ARPC5L: variants seen among roughly 807,000 people sequenced by gnomAD.
ARPC5L encodes actin-related protein 2/3 complex subunit 5-like protein.
ARPC5L carries 4 observed loss-of-function variants against 16.9 expected under a neutral mutation model. The observed-to-expected ratio is 0.24, with a 90% CI of 0.12 to 0.54. The LOEUF is 0.54. Among genes scored for constraint, ARPC5L ranks in the 20% least tolerant of loss-of-function variants. The pLI, the probability that ARPC5L is intolerant of heterozygous loss-of-function variation, is 0.95. For missense variants in ARPC5L, 151 were observed against 201.9 expected (o/e 0.75, Z 1.53); for synonymous variants, 78 against 82.6 (o/e 0.94, Z 0.30).
chr9:124,869,287 C>G lies in ARPC5L; in HGVS notation c.-4C>G. On this transcript the variant is annotated 5_prime_UTR_variant, in exon 3 of 6. Transcript: ENST00000353214. ...GCCGGCTGAGCGGGCGCCGAGCTCC[C>G]GCCATGGCCCGGAACACGCTGTCCT... The G allele has an allele frequency of 2.6e-6, 4 of 1,518,608 alleles. No individual in the cohort carries two copies. The highest frequency in any genetic ancestry group is 3.5e-6 in the Non-Finnish European group (4 of 1,133,850). The allele number at this position is 1,518,608 out of a possible 1,614,324, so 94.1% of individuals were successfully genotyped here.
At chr9:124,871,146 G>C (rs989381854) in intron 3 of ARPC5L, among the ~76,000 whole-genome samples, 7 of 152,140 alleles carry the variant, frequency 4.6e-5, no homozygotes, top group African/African-American at 1.7e-4. Flanking sequence ...AGCAGGGAGA[G>C]GGATAGATGG....
At chr9:124,872,820 G>A (rs1829378942) in intron 3 of ARPC5L, 1 of 152,260 alleles carries the variant, frequency 6.6e-6, no homozygotes. Context: ...CTCATACTGG[G>A]GAAGCCAGGA....
At chr9:124,865,686 G>C (rs770769635) in intron 2 of ARPC5L, among the ~76,000 whole-genome samples, 18 of 151,732 alleles carry the variant, frequency 1.2e-4, no homozygotes, top group Admixed American at 1.1e-3. Flanking sequence ...ACAGCTATTC[G>C]GGAGGCTGAG....
rs528433501 is a variant in ARPC5L at position 124,866,849 on chromosome 9, C to T, written c.-863-1579C>T. 3.7e-4 allele frequency among the ~76,000 whole-genome samples: 57 copies of T among 152,300 alleles called. 1 individual carries two copies. The East Asian group carries it at 0.01, about 27-fold the overall frequency. ...TAAATCACCTCTCTACTTTGGTTCT[C>T]GATCCCAGATGTGTTCTCAATACAG... On this transcript the variant is annotated intron_variant, in intron 2 of 5. Coordinates refer to ENST00000353214, the MANE Select transcript of ARPC5L (RefSeq NM_030978.3).
At chr9:124,871,291 G>T (rs1472092723) in intron 3 of ARPC5L, among the ~76,000 whole-genome samples, 1 of 152,178 alleles carries the variant, frequency 6.6e-6, no homozygotes, top group Non-Finnish European at 1.5e-5. Context: ...CCATGCTCTG[G>T]CTCTGTGACC....
At chr9:124,871,889 T>G (rs1044881524) in intron 3 of ARPC5L, among the ~76,000 whole-genome samples, 12 of 152,136 alleles carry the variant, frequency 7.9e-5, no homozygotes, top group African/African-American at 2.9e-4. Flanking sequence ...GGGTCCACAG[T>G]GTCAGTTGTG....
Position 124,869,162 on chromosome 9 carries a change from G to A in ARPC5L, c.-129G>A. On this transcript the variant is annotated 5_prime_UTR_variant, in exon 3 of 6. Coordinates refer to ENST00000353214, the MANE Select transcript of ARPC5L (RefSeq NM_030978.3). ...GCGGGCGGCGGCGGCTGCGCGCGGA[G>A]GCGGTGGAGGAGGTGCTGGGAGCAG... 1 of 1,064,704 alleles carries A rather than the reference G, an allele frequency of 9.4e-7. No individual in the cohort carries two copies. Among genetic ancestry groups the A allele is most frequent in the Non-Finnish European group, 1.2e-6 (1 of 824,038 alleles). The allele number at this position is 1,064,704 out of a possible 1,614,324, so 66.0% of individuals were successfully genotyped here.
At chr9:124,864,763 C>T (rs1829247499) in intron 2 of ARPC5L, among the ~76,000 whole-genome samples, 1 of 151,942 alleles carries the variant, frequency 6.6e-6, no homozygotes, top group African/African-American at 2.4e-5. Context: ...CTCAGCCTCC[C>T]AAAGTGCTGC....
rs369596144 is a variant in ARPC5L, at chr9:124,869,267, C to G, written c.-24C>G. The G allele has an allele frequency of 1.1e-4, 159 of 1,507,874 alleles. No individual in the cohort carries two copies. In the African/African-American group the frequency reaches 1.9e-3, roughly 18 times the overall value. 93.4% of individuals were successfully genotyped at this position (1,507,874 alleles called of 1,614,324 possible). On this transcript the variant is annotated 5_prime_UTR_variant, in exon 3 of 6. Transcript: ENST00000353214. ...GAGGTCGGGCCGCGAGCGGAGCCGG[C>G]TGAGCGGGCGCCGAGCTCCCGCCAT...
chr9:124,862,963 TCA>T (rs1197410645), intron 1 of ARPC5L, among the ~76,000 whole-genome samples: 1 of 151,422 alleles, frequency 6.6e-6, no homozygotes, highest in Non-Finnish European at 1.5e-5. Context: ...CCCTCCCACC[TCA>T]GTCTCCCGAG....
At chr9:124,873,413 GCACAA>G in intron 3 of ARPC5L, 1 of 491,116 alleles carries the variant, frequency 2.0e-6, no homozygotes, top group South Asian at 2.1e-5. Context: ...GTGCAAGTGA[GCACAA>G]TCCAATTTTA....
chr9:124,869,415 G>C lies in ARPC5L; in HGVS notation c.125G>C (p.Ser42Thr). 6.7e-7 allele frequency: 1 copy of C among 1,498,246 alleles called. No homozygotes were observed. The highest frequency in any genetic ancestry group is 8.9e-7 in the Non-Finnish European group (1 of 1,123,840). The allele number at this position is 1,498,246 out of a possible 1,614,324, so 92.8% of individuals were successfully genotyped here. A position where few individuals can be genotyped will look rare whatever the true frequency, so the allele number is the denominator to read the frequency against. The change falls in exon 3 of 6, where the codon AGC (serine) becomes ACC (threonine). Residue 42 changes from serine (S) to threonine (T), a missense_variant. Ser to Thr is a moderately conservative substitution (Grantham distance 58). Coordinates refer to ENST00000353214, the MANE Select transcript of ARPC5L (RefSeq NM_030978.3). Reference sequence around the variant, plus strand: ...GCGGCGGAGCCAGGCCCGGACCCGAGCGAGGTGGACGGGCTCCTGCGGCAA... The same window carrying C: ...GCGGCGGAGCCAGGCCCGGACCCGACCGAGGTGGACGGGCTCCTGCGGCAA... The part of the protein sequence containing the change: ...AAAAEPGPDP[S>T]EVDGLLRQGD...
At chr9:124,872,004 G>A (rs529898061) in intron 3 of ARPC5L, among the ~76,000 whole-genome samples, 5 of 152,226 alleles carry the variant, frequency 3.3e-5, no homozygotes, top group South Asian at 2.1e-4. Flanking sequence ...TATGACAGCC[G>A]GCTTCACAAA....
chr9:124,867,941 C>T (rs1211041105), intron 2 of ARPC5L, among the ~76,000 whole-genome samples: 1 of 151,732 alleles, frequency 6.6e-6, no homozygotes, highest in Non-Finnish European at 1.5e-5. Context: ...TCCCGAGTAG[C>T]TGGGATTACA....
intron 3 of ARPC5L, 134 bp downstream of exon 3, chr9:124,869,573 C>T (rs1829325469): frequency 1.5e-6 from 2 of 1,349,588 alleles, no homozygotes; most frequent in East Asian, 3.1e-5. Flanking sequence ...CCTCCAGCTC[C>T]CTGCCGACCC....
At chr9:124,867,489 GGTT>G (rs1421368786) in intron 2 of ARPC5L, among the ~76,000 whole-genome samples, 1 of 151,930 alleles carries the variant, frequency 6.6e-6, no homozygotes, top group African/African-American at 2.4e-5. Context: ...GGCACTGCAT[GGTT>G]TTTTTCCCTC....
At chr9:124,874,908 T>G in intron 4 of ARPC5L, 67 bp from the exon 5 acceptor site, 1 of 1,588,772 alleles carries the variant, frequency 6.3e-7, no homozygotes, top group Non-Finnish European at 8.6e-7. Context: ...GTCCTTGCTT[T>G]GGTGTGGGGC....
intron 3 of ARPC5L, among the ~76,000 whole-genome samples, chr9:124,870,687 A>G (rs557810292): frequency 2.6e-3 from 403 of 152,286 alleles, no homozygotes; most frequent in Non-Finnish European, 4.1e-3. Context: ...CCAGGAGGGA[A>G]GGTTGGTTGT....
At chr9:124,867,806 TTC>T (rs1307774471) in intron 2 of ARPC5L, among the ~76,000 whole-genome samples, 2 of 113,466 alleles carry the variant, frequency 1.8e-5, no homozygotes, top group African/African-American at 3.3e-5. Context: ...TTCTTTTCTT[TTC>T]TTTTTTTTTT....
Sources: gnomAD v4.1 joint callset for allele counts (sites outside exome capture counted in the v4.1 genomes callset) on GRCh38, gnomAD v4.1.1 for gene constraint, MANE v1.5 for transcripts, NCBI Gene and HGNC (gene_info 2026-07-23, HGNC 2026-07-21) for gene names.